GMEB1: variants seen among roughly 807,000 people sequenced by gnomAD.
GMEB1 encodes the protein glucocorticoid modulatory element binding protein 1, also known as glucocorticoid modulatory element-binding protein 1.
In GMEB1, 6 loss-of-function variants were observed where a neutral mutation model predicts 52.4. That is an observed-to-expected ratio of 0.11 (90% CI 0.06 to 0.23). The LOEUF is 0.23. GMEB1 is among the 10% of genes least tolerant of loss of function. The pLI is 1.00. For synonymous variants in GMEB1, 255 were observed against 244.9 expected (o/e 1.04, Z -0.38); for missense variants, 486 against 685.6 (o/e 0.71, Z 3.25).
At chr1:28,713,530 A>G (rs969913556) in intron 9 of GMEB1, among the ~76,000 whole-genome samples, 1 of 152,166 alleles carries the variant, frequency 6.6e-6, no homozygotes, top group Admixed American at 6.6e-5. Flanking sequence ...AATTTGTTTG[A>G]GCTCTTAAGA....
At chr1:28,684,832 A>G (rs1669564942) in intron 2 of GMEB1, among the ~76,000 whole-genome samples, 1 of 152,160 alleles carries the variant, frequency 6.6e-6, no homozygotes, top group African/African-American at 2.4e-5. Flanking sequence ...ACAAATCTGC[A>G]CGTTCTGCAC....
In GMEB1 at chr1:28,718,181, T is replaced by C. The variant is rs1419189735; in HGVS notation, c.*3408T>C. ...TAGTAGGCATTTGTCTTTCTGTTCA[T>C]GCATTGAATAAACATTTTTAAGAAC... On this transcript the variant is annotated 3_prime_UTR_variant, in exon 10 of 10. Coordinates refer to ENST00000373816, the MANE Select transcript of GMEB1 (RefSeq NM_001319674.2). 6.6e-6 allele frequency: 1 copy of C among 152,238 alleles called. No homozygotes were observed. Among genetic ancestry groups the C allele is most frequent in the Non-Finnish European group, 1.5e-5 (1 of 68,058 alleles). 9.4% of individuals were successfully genotyped at this position (152,238 alleles called of 1,614,324 possible).
rs1671339272 is a variant in GMEB1, at chr1:28,718,976, C to T, written c.*4203C>T. 1 of 152,168 alleles carries T rather than the reference C, an allele frequency of 6.6e-6. No individual in the cohort carries two copies. Among genetic ancestry groups the T allele is most frequent in the Admixed American group, 6.5e-5 (1 of 15,270 alleles). 9.4% of individuals were successfully genotyped at this position (152,168 alleles called of 1,614,324 possible). ...TTTCAAGTAATTGGGCTTATTTATT[C>T]TAGAGAAAAAGTCTTCAGTCTCTTG... On this transcript the variant is annotated 3_prime_UTR_variant, in exon 10 of 10. Transcript: ENST00000373816.
chr1:28,700,617 G>A (rs1247329366), intron 6 of GMEB1, among the ~76,000 whole-genome samples: 7 of 151,400 alleles, frequency 4.6e-5, no homozygotes, highest in Non-Finnish European at 2.9e-5. Flanking sequence ...CCTGGGACGC[G>A]GAGACTGCCG....
intron 6 of GMEB1, among the ~76,000 whole-genome samples, chr1:28,701,332 C>T (rs1297754402): frequency 6.5e-5 from 9 of 138,954 alleles, no homozygotes; most frequent in South Asian, 2.4e-4. Flanking sequence ...TCCAGTGGCG[C>T]GATCTCGGCT....
intron 4 of GMEB1, among the ~76,000 whole-genome samples, chr1:28,692,488 G>A (rs530527754): frequency 1.3e-5 from 2 of 151,246 alleles, no homozygotes; most frequent in African/African-American, 2.4e-5. Context: ...TTGAGATTGC[G>A]CTGTTGCACT....
Position 28,692,956 on chromosome 1 carries a change from G to T in GMEB1, c.351G>T (p.Leu117Phe). The T allele has an allele frequency of 6.3e-7, 1 of 1,595,434 alleles. No individual in the cohort carries two copies. Among genetic ancestry groups the T allele is most frequent in the South Asian group, 1.1e-5 (1 of 88,702 alleles). Residue 117 changes from leucine to phenylalanine, a missense_variant, in exon 5 of 10, where the codon TTG becomes TTT. Physicochemically the swap from Leu to Phe is conservative, Grantham distance 22. This residue lies in a region of GMEB1 where 43 missense variants were observed against 117.5 expected (regional missense o/e 0.37). Transcript: ENST00000373816. ...NVKCVKFNDQ[L>F]ISPKHFVHLA... The stretch of plus-strand genomic sequence containing the variant: ...TTTACTTTTAGTTCAATGATCAGTT[G>T]ATCAGCCCCAAGCACTTTGTTCATC...
intron 1 of GMEB1, among the ~76,000 whole-genome samples, chr1:28,670,487 C>A (rs1271930663): frequency 6.6e-6 from 1 of 152,104 alleles, no homozygotes; most frequent in East Asian, 1.9e-4. Flanking sequence ...GCCACCACAC[C>A]CAGCTAATTT....
chr1:28,692,862 A>G (rs1183462849), intron 4 of GMEB1, 80 bp from the exon 5 acceptor site: 3 of 677,954 alleles, frequency 4.4e-6, no homozygotes, highest in East Asian at 2.7e-5. Context: ...CAAATGATGT[A>G]GAGTTATCAT....
In GMEB1 at chr1:28,714,982, G is replaced by A. The variant is rs1343160401; in HGVS notation, c.*209G>A. 1.8e-6 allele frequency: 1 copy of A among 552,016 alleles called. No individual in the cohort carries two copies. 34.2% of individuals were successfully genotyped at this position (552,016 alleles called of 1,614,324 possible). A position where few individuals can be genotyped will look rare whatever the true frequency, so the allele number is the denominator to read the frequency against. On this transcript the variant is annotated 3_prime_UTR_variant, in exon 10 of 10. Transcript: ENST00000373816. Reference sequence around the variant, plus strand: ...GCTGCCCTTCCAGAAGTTGAGAGTAGGTCATTCAATGTCCTAATCATCTTA... The same window carrying A: ...GCTGCCCTTCCAGAAGTTGAGAGTAAGTCATTCAATGTCCTAATCATCTTA...
intron 9 of GMEB1, among the ~76,000 whole-genome samples, chr1:28,712,083 C>G (rs1490181158): frequency 6.6e-6 from 1 of 152,150 alleles, no homozygotes; most frequent in Non-Finnish European, 1.5e-5. Flanking sequence ...GGGGTTCCCA[C>G]AATCACCTTC....
At position 28,704,178 on chromosome 1, in the gene GMEB1, CCTT is replaced by C; in HGVS notation, c.731-10_731-8del. The C allele has an allele frequency of 6.2e-7, 1 of 1,605,704 alleles. No individual in the cohort carries two copies. The highest frequency in any genetic ancestry group is 1.1e-5 in the South Asian group (1 of 89,810). ...GTCTCTTTTTTACCCTCTGTCTTAT[CCTT>C]CTTGTGCCAGAGGACACTTTGATGT... On this transcript the variant is annotated splice_polypyrimidine_tract_variant and intron_variant, in intron 7 of 9. Transcript: ENST00000373816.
intron 1 of GMEB1, among the ~76,000 whole-genome samples, chr1:28,675,119 G>C (rs1482700940): frequency 1.4e-5 from 2 of 148,070 alleles, no homozygotes; most frequent in Non-Finnish European, 3.0e-5. Context: ...CTGGGTTCAC[G>C]CCATTCTCCT....
intron 2 of GMEB1, among the ~76,000 whole-genome samples, chr1:28,684,210 A>G (rs779147845): frequency 6.6e-6 from 1 of 152,008 alleles, no homozygotes; most frequent in Non-Finnish European, 1.5e-5. Context: ...TTTTCATAAC[A>G]TATTTTATTT....
At chr1:28,709,183 T>C (rs1363082975) in intron 8 of GMEB1, among the ~76,000 whole-genome samples, 2 of 150,574 alleles carry the variant, frequency 1.3e-5, no homozygotes, top group Non-Finnish European at 2.9e-5. Flanking sequence ...GGCGTGCACG[T>C]GTAATCCCAG....
In GMEB1 at chr1:28,714,373, C is replaced by A. The variant is rs867578898; in HGVS notation, c.1292C>A (p.Ser431Tyr). 6.2e-7 allele frequency: 1 copy of A among 1,614,102 alleles called. No homozygotes were observed. Among genetic ancestry groups the A allele is most frequent in the Non-Finnish European group, 8.5e-7 (1 of 1,180,042 alleles). ...CCTGTGACTGTCCACACACTGCCTT[C>A]TGGCCCTCAGCTCTTCCGCTATGCC... The part of the protein sequence containing the change: ...SSPVTVHTLP[S>Y]GPQLFRYATV... The change falls in exon 10 of 10, where the codon TCT becomes TAT. Residue 431 changes from serine to tyrosine, a missense_variant. Physicochemically the swap from Ser to Tyr is moderately radical, Grantham distance 144. Around this residue, in one of 5 missense-constraint regions of GMEB1, gnomAD observed 153 missense variants for 200.8 expected, o/e 0.76. Transcript: ENST00000373816.
At chr1:28,688,482 G>A (rs1373912045) in intron 2 of GMEB1, among the ~76,000 whole-genome samples, 1 of 152,060 alleles carries the variant, frequency 6.6e-6, no homozygotes, top group Non-Finnish European at 1.5e-5. Context: ...ATTAAATAAA[G>A]GATGTTGATT....
chr1:28,694,313 C>T (rs1670099214), intron 5 of GMEB1, among the ~76,000 whole-genome samples: 1 of 150,820 alleles, frequency 6.6e-6, no homozygotes, highest in Non-Finnish European at 1.5e-5. Context: ...GTCTCAGCCT[C>T]CCCAGTAGCT....
chr1:28,671,989 A>C (rs938341099), intron 1 of GMEB1, among the ~76,000 whole-genome samples: 3 of 150,164 alleles, frequency 2.0e-5, no homozygotes, highest in Admixed American at 6.6e-5. Flanking sequence ...GTGGTGGCAG[A>C]TGCTTGTAAT....
Sources: gnomAD v4.1 joint callset for allele counts (sites outside exome capture counted in the v4.1 genomes callset) on GRCh38, gnomAD v4.1.1 for gene constraint, gnomAD v4.1.1 regional missense constraint, MANE v1.5 for transcripts, NCBI Gene and HGNC (gene_info 2026-07-23, HGNC 2026-07-21) for gene names.